AACS: variants seen among roughly 807,000 people sequenced by gnomAD.
The protein encoded by AACS is acetoacetyl-CoA synthetase, also known as acetoacetate-CoA ligase.
In AACS, 69 loss-of-function variants were observed where a neutral mutation model predicts 83.1. That is an observed-to-expected ratio of 0.83 (90% confidence interval 0.68 to 1.01). AACS has a LOEUF of 1.01. AACS is among the 50% of genes least tolerant of loss of function. AACS has a pLI of 0.00. For missense variants in AACS, 866 were observed against 882.2 expected (o/e 0.98, Z 0.23); for synonymous variants, 333 against 343.4 (o/e 0.97, Z 0.33).
chr12:125,127,989 C>A lies in AACS; in HGVS notation c.1310-172C>A, dbSNP rs1352065403. 12 of 452,916 alleles carry A rather than the reference C, an allele frequency of 2.6e-5. No homozygotes were observed. In the Admixed American group the frequency reaches 4.3e-4, roughly 16 times the overall value. The allele number at this position is 452,916 out of a possible 1,614,324, so 28.1% of individuals were successfully genotyped here. On this transcript the variant is annotated intron_variant, in intron 12 of 17. Coordinates refer to ENST00000316519, the MANE Select transcript of AACS (RefSeq NM_023928.5). The stretch of plus-strand genomic sequence containing the variant: ...GGGGGGTTCATTCTAATTTCCATAT[C>A]ACCTCTCCCACTGCTCCCTGAAGAG...
In AACS at chr12:125,130,017, A is replaced by T. The variant is rs1313178551; in HGVS notation, c.1549+557A>T. Among the ~76,000 whole-genome samples, 1 of 152,132 alleles carries T rather than the reference A, an allele frequency of 6.6e-6. No individual in the cohort carries two copies. The highest frequency in any genetic ancestry group is 1.5e-5 in the Non-Finnish European group (1 of 68,026). The stretch of plus-strand genomic sequence containing the variant: ...TTGCCCCAAAGCAGGGAAGTCTTTT[A>T]TTTAAAGCTCTGATTCCTGCCTCCC... On this transcript the variant is annotated intron_variant, in intron 14 of 17. Coordinates refer to ENST00000316519, the MANE Select transcript of AACS (RefSeq NM_023928.5). The surrounding 1 kb of genome is among the most constrained non-coding windows in gnomAD (Gnocchi z 4.9).
intron 15 of AACS, 119 bp from the exon 16 acceptor site, chr12:125,134,675 C>A: frequency 9.2e-7 from 1 of 1,089,378 alleles, no homozygotes; most frequent in African/African-American, 1.5e-5. Flanking sequence ...GCGGAGTGTC[C>A]GTGACTAGTC....
intron 17 of AACS, among the ~76,000 whole-genome samples, chr12:125,137,660 G>A (rs536744332): frequency 3.9e-4 from 60 of 152,222 alleles, no homozygotes; most frequent in African/African-American, 1.4e-3. Flanking sequence ...GGAGGAGGAG[G>A]GTCACCCAAA....
chr12:125,137,317 G>A (rs1039302478), intron 17 of AACS, among the ~76,000 whole-genome samples: 2 of 152,192 alleles, frequency 1.3e-5, no homozygotes, highest in Non-Finnish European at 2.9e-5. Context: ...TGGTAGCTGG[G>A]ATTACAGTCA....
chr12:125,118,099 CGCT>C (rs1957089408), intron 9 of AACS: 1 of 152,962 alleles, frequency 6.5e-6, no homozygotes, highest in African/African-American at 2.4e-5. Flanking sequence ...CTCCAGGGGA[CGCT>C]GGTTTTGGGT....
intron 3 of AACS, among the ~76,000 whole-genome samples, chr12:125,084,021 T>C (rs571993896): frequency 2.0e-5 from 3 of 152,200 alleles, no homozygotes; most frequent in East Asian, 3.9e-4. Flanking sequence ...AAATGAAAAA[T>C]GCCAATCTTA....
At chr12:125,074,227 TTTTGTTTGTTTG>T (rs530132337) in intron 2 of AACS, among the ~76,000 whole-genome samples, 2 of 151,998 alleles carry the variant, frequency 1.3e-5, no homozygotes, top group African/African-American at 4.8e-5. Flanking sequence ...TAAATAGTAG[TTTTGTTTGTTTG>T]TTTGTTTGTT....
At chr12:125,095,135 G>A (rs1477055029) in intron 5 of AACS, among the ~76,000 whole-genome samples, 1 of 152,120 alleles carries the variant, frequency 6.6e-6, no homozygotes, top group Non-Finnish European at 1.5e-5. Context: ...ACCGTATTCA[G>A]GTCAGACACA....
intron 1 of AACS, among the ~76,000 whole-genome samples, chr12:125,067,163 A>C (rs1377767378): frequency 6.6e-6 from 1 of 152,034 alleles, no homozygotes; most frequent in Non-Finnish European, 1.5e-5. Context: ...AGCAGTGGGG[A>C]GCTTCCACAG....
intron 4 of AACS, among the ~76,000 whole-genome samples, chr12:125,089,908 T>G (rs1366095139): frequency 8.1e-6 from 1 of 123,020 alleles, no homozygotes; most frequent in Non-Finnish European, 1.8e-5. Flanking sequence ...TTACCCATTA[T>G]CCATCTATCC....
chr12:125,076,468 T>C, intron 2 of AACS, 23 bp from the exon 3 acceptor site: 2 of 1,611,966 alleles, frequency 1.2e-6, no homozygotes, highest in Non-Finnish European at 1.7e-6. Flanking sequence ...GTGTGCGTCT[T>C]GGTTTGTTGT....
intron 8 of AACS, among the ~76,000 whole-genome samples, chr12:125,109,858 C>T (rs904961108): frequency 2.0e-5 from 3 of 152,212 alleles, no homozygotes; most frequent in Non-Finnish European, 2.9e-5. Context: ...GGTGTCTCCT[C>T]GTGGTTAGGT....
At chr12:125,081,675 C>T (rs777781798) in intron 3 of AACS, among the ~76,000 whole-genome samples, 8 of 152,252 alleles carry the variant, frequency 5.3e-5, no homozygotes, top group South Asian at 4.1e-4. Context: ...TTAGCACATC[C>T]GTGTTGAGAT....
At chr12:125,131,541 T>C (rs1372245794) in intron 14 of AACS, among the ~76,000 whole-genome samples, 2 of 152,092 alleles carry the variant, frequency 1.3e-5, no homozygotes, top group African/African-American at 4.8e-5. Context: ...GAAGTACATA[T>C]GTGTGATTGT....
rs1321815839 is a variant in AACS at position 125,086,451 on chromosome 12, T to C, written c.472+8T>C. 1.2e-6 allele frequency: 2 copies of C among 1,613,642 alleles called. No homozygotes were observed. The highest frequency in any genetic ancestry group is 3.3e-5 in the Admixed American group (2 of 59,992). On this transcript the variant is annotated splice_region_variant and intron_variant, in intron 4 of 17. Coordinates refer to ENST00000316519, the MANE Select transcript of AACS (RefSeq NM_023928.5). The stretch of plus-strand genomic sequence containing the variant: ...AAGGAGATCGGGTTGTTGGTAAGTA[T>C]TTTGGGTGCTGGTGATGGTTTGAGG...
chr12:125,070,976 C>T (rs1369178800), intron 1 of AACS, among the ~76,000 whole-genome samples: 2 of 152,180 alleles, frequency 1.3e-5, no homozygotes, highest in East Asian at 1.9e-4. Flanking sequence ...CAAAAGTTAG[C>T]GACTTAAAAC....
At chr12:125,087,870 G>A (rs1053458280) in intron 4 of AACS, among the ~76,000 whole-genome samples, 3 of 152,214 alleles carry the variant, frequency 2.0e-5, no homozygotes, top group Non-Finnish European at 2.9e-5. Flanking sequence ...GGAATCTAGC[G>A]ATGGGCATGC....
At chr12:125,069,182 T>C (rs1159060064) in intron 1 of AACS, among the ~76,000 whole-genome samples, 2 of 152,178 alleles carry the variant, frequency 1.3e-5, no homozygotes, top group Non-Finnish European at 2.9e-5. Flanking sequence ...CGCGAACTCG[T>C]ATCCTCTCCT....
intron 15 of AACS, 129 bp downstream of exon 15, chr12:125,134,201 A>G: frequency 2.0e-6 from 2 of 987,404 alleles, no homozygotes; most frequent in South Asian, 1.6e-5. Flanking sequence ...CTCCAGCACC[A>G]GGGTGTCCAC....
Sources: allele counts gnomAD v4.1 joint callset (sites outside exome capture counted in the v4.1 genomes callset), GRCh38; gene constraint gnomAD v4.1.1; non-coding constraint Gnocchi (gnomAD v3.1); transcripts MANE v1.5; gene names NCBI Gene and HGNC (gene_info 2026-07-23, HGNC 2026-07-21).